The following ATF6B variants were observed in gnomAD, a reference collection of about 807,000 sequenced individuals.
The protein encoded by ATF6B is cyclic AMP-dependent transcription factor ATF-6 beta.
A neutral mutation model predicts 83.5 loss-of-function variants in ATF6B; 50 were observed. The ratio of observed to expected loss-of-function variants is 0.60; its 90% CI spans 0.48 to 0.76. The LOEUF is 0.76. Ranked by LOEUF, ATF6B falls within the 30% of genes least tolerant of loss-of-function variation. The pLI, the probability that ATF6B is intolerant of heterozygous loss-of-function variation, is 0.00. For synonymous variants in ATF6B, 344 were observed against 362.8 expected (o/e 0.95, Z 0.59); for missense variants, 790 against 893.8 (o/e 0.88, Z 1.48).
rs774706155 is a variant in ATF6B, at chr6:32,120,858, C to T, written c.745G>A (p.Val249Ile). 1 of 1,568,366 alleles carries T rather than the reference C, an allele frequency of 6.4e-7. No homozygotes were observed. Among genetic ancestry groups the T allele is most frequent in the Non-Finnish European group, 8.6e-7 (1 of 1,158,162 alleles). Reference protein sequence around the residue: ...TRKPPLQPKPVVLTTVPMPSR... With the variant: ...TRKPPLQPKPIVLTTVPMPSR... ...GGCATTGGGACAGTGGTTAGCACTA[C>T]AGGTTTGGGCTGCAGTGGCGGCTTC... Residue 249 changes from valine (V) to isoleucine (I), a missense_variant, in exon 8 of 18, where the codon GTA becomes ATA. Transcript: ENST00000375203.
Position 32,119,729 on chromosome 6 carries a change from A to T in ATF6B, c.966+95T>A. 1 of 1,526,410 alleles carries T rather than the reference A, an allele frequency of 6.6e-7. No homozygotes were observed. The highest frequency in any genetic ancestry group is 2.0e-5 in the Admixed American group (1 of 51,278). 94.6% of individuals were successfully genotyped at this position (1,526,410 alleles called of 1,614,324 possible). ...GTTTCCTCACTTTTTTCTCCTAGGT[A>T]TCGACTCCCTCCTCATCCCACAGTT... On this transcript the variant is annotated intron_variant, in intron 9 of 17. Coordinates refer to ENST00000375203, the MANE Select transcript of ATF6B (RefSeq NM_004381.5). The surrounding 1 kb of genome is among the most constrained non-coding windows in gnomAD (Gnocchi z 4.9).
At chr6:32,120,952 C>T (rs768856299) in intron 7 of ATF6B, 37 bp downstream of exon 7, 1 of 1,519,040 alleles carries the variant, frequency 6.6e-7, no homozygotes, top group Non-Finnish European at 8.8e-7. Flanking sequence ...CCAAAGGCCT[C>T]TCACTAGGGA....
At chr6:32,122,629 A>G (rs923195568) in intron 5 of ATF6B, among the ~76,000 whole-genome samples, 3 of 146,038 alleles carry the variant, frequency 2.1e-5, no homozygotes, top group African/African-American at 7.6e-5. Context: ...CAGGTGGATC[A>G]CGAGGTCAGG....
Position 32,120,845 on chromosome 6 carries a change from G to A in ATF6B, c.758C>T (p.Thr253Ile). 6.3e-7 allele frequency: 1 copy of A among 1,599,726 alleles called. No homozygotes were observed. The highest frequency in any genetic ancestry group is 8.5e-7 in the Non-Finnish European group (1 of 1,172,940). Residue 253 changes from threonine (T) to isoleucine (I), a missense_variant, in exon 8 of 18, where the codon ACT becomes ATT. By Grantham distance (89) the Thr-to-Ile change is moderately conservative (BLOSUM62 -1). Coordinates refer to ENST00000375203, the MANE Select transcript of ATF6B (RefSeq NM_004381.5). The stretch of plus-strand genomic sequence containing the variant: ...CACAGCTCTGGATGGCATTGGGACA[G>A]TGGTTAGCACTACAGGTTTGGGCTG... ...PLQPKPVVLTTVPMPSRAVPP... is the reference protein window; with the variant it reads ...PLQPKPVVLTIVPMPSRAVPP...
chr6:32,126,879 AAAAC>A (rs752545451), intron 4 of ATF6B, among the ~76,000 whole-genome samples: 8 of 152,090 alleles, frequency 5.3e-5, no homozygotes, highest in East Asian at 1.9e-4. Context: ...CAAAAAACAA[AAAAC>A]AAACAAACAA....
chr6:32,117,303 G>A lies in ATF6B; in HGVS notation c.1614+20C>T. The A allele has an allele frequency of 6.2e-7, 1 of 1,610,924 alleles. No individual in the cohort carries two copies. Among genetic ancestry groups the A allele is most frequent in the East Asian group, 2.2e-5 (1 of 44,830 alleles). On this transcript the variant is annotated intron_variant, in intron 14 of 17. Transcript: ENST00000375203. This position sits in a 1 kb window ranked among gnomAD's most constrained non-coding sequence, Gnocchi z 5.0. ...CCCTTGTCTTCAAGTGGCCTTCCTT[G>A]AACCAGCCACCCGCCCTACCTGTCT...
Position 32,115,667 on chromosome 6 carries a change from A to C in ATF6B, c.*72T>G. On this transcript the variant is annotated 3_prime_UTR_variant, in exon 18 of 18. Transcript: ENST00000375203. Reference sequence around the variant, plus strand: ...ATTGCCCCAAGCCTGGGGATCAGGGAAATTTGAAACAGTCCCACCTGGCCA... The same window carrying C: ...ATTGCCCCAAGCCTGGGGATCAGGGCAATTTGAAACAGTCCCACCTGGCCA... The C allele has an allele frequency of 7.4e-7, 1 of 1,345,880 alleles. No homozygotes were observed. Among genetic ancestry groups the C allele is most frequent in the Non-Finnish European group, 1.0e-6 (1 of 979,716 alleles). The allele number at this position is 1,345,880 out of a possible 1,614,324, so 83.4% of individuals were successfully genotyped here.
chr6:32,122,360 G>A (rs979208130), intron 5 of ATF6B, among the ~76,000 whole-genome samples: 5 of 152,126 alleles, frequency 3.3e-5, no homozygotes, highest in African/African-American at 9.7e-5. Flanking sequence ...GCCCCATGTC[G>A]GTGAAATAAA....
intron 5 of ATF6B, among the ~76,000 whole-genome samples, chr6:32,123,217 A>G (rs2127344337): frequency 7.1e-6 from 1 of 140,758 alleles, no homozygotes; most frequent in Non-Finnish European, 1.5e-5. Context: ...GACAGGGCAA[A>G]ACTCTGTCTC....
At position 32,125,088 on chromosome 6, in the gene ATF6B, A is replaced by G. The variant is rs1317133972; in HGVS notation, c.478+1029T>C. On this transcript the variant is annotated intron_variant, in intron 5 of 17. Coordinates refer to ENST00000375203, the MANE Select transcript of ATF6B (RefSeq NM_004381.5). The surrounding 1 kb of genome is among the most constrained non-coding windows in gnomAD (Gnocchi z 4.1). ...CGTGATCCGCCCACCTCGGCCTCCC[A>G]AAGTGCTGGGATTACAAGCATGAGC... Among the ~76,000 whole-genome samples the G allele has an allele frequency of 2.6e-5, 4 of 152,186 alleles. No individual in the cohort carries two copies. The highest frequency in any genetic ancestry group is 7.2e-5 in the African/African-American group (3 of 41,534).
chr6:32,127,388 A>C, intron 3 of ATF6B, 54 bp downstream of exon 3: 3 of 1,560,668 alleles, frequency 1.9e-6, no homozygotes, highest in Admixed American at 3.6e-5. Context: ...TCTGGGAAAC[A>C]GTGGGAAGAT....
In ATF6B at chr6:32,121,073, A is replaced by G. The variant is rs140584533; in HGVS notation, c.616T>C (p.Ser206Pro). The G allele has an allele frequency of 1.2e-3, 1,836 of 1,565,568 alleles. 5 individuals are homozygous for G. Among genetic ancestry groups the G allele is most frequent in the Middle Eastern group, 0.012 (67 of 5,750 alleles). The change falls in exon 7 of 18, where the codon TCA (serine) becomes CCA (proline). Residue 206 changes from serine to proline, a missense_variant. This residue lies in a region of ATF6B where 7 missense variants were observed against 18.1 expected (regional missense o/e 0.39). Transcript: ENST00000375203. ...GGGACATCCCACAGGAGGCATCCTG[A>G]AGGGGACAGGGACTCTGTCTTCACT... ...LEVKTESLSP[S>P]GCLLWDVPAP...
At position 32,128,216 on chromosome 6, in the gene ATF6B, C is replaced by T. The variant is rs1328761581; in HGVS notation, c.-9G>A. The stretch of plus-strand genomic sequence containing the variant: ...AGCATCAGCTCCGCCATCTTTCCCC[C>T]CCACCCCCCAACCAGGAGACGGTTC... On this transcript the variant is annotated 5_prime_UTR_variant, in exon 1 of 18. Coordinates refer to ENST00000375203, the MANE Select transcript of ATF6B (RefSeq NM_004381.5). 1 of 1,605,764 alleles carries T rather than the reference C, an allele frequency of 6.2e-7. No individual in the cohort carries two copies. The highest frequency in any genetic ancestry group is 1.1e-5 in the South Asian group (1 of 90,818).
chr6:32,120,012 C>A, intron 8 of ATF6B, 55 bp from the exon 9 acceptor site: 1 of 1,561,510 alleles, frequency 6.4e-7, no homozygotes, highest in Non-Finnish European at 8.7e-7. Context: ...GTCCTTGTGT[C>A]CACACCCACA....
chr6:32,119,889 G>A lies in ATF6B; in HGVS notation c.901C>T (p.Arg301Trp), dbSNP rs779145932. The part of the protein sequence containing the change: ...QPEGPAPSLP[R>W]PERKSIVPAP... ...GGAACGATGCTCTTCCTCTCAGGCCGTGGTAGAGAGGGAGCCGGCCCTTCA... is the reference window on the plus strand; with the variant it reads ...GGAACGATGCTCTTCCTCTCAGGCCATGGTAGAGAGGGAGCCGGCCCTTCA... The change falls in exon 9 of 18, where the codon CGG becomes TGG. Residue 301 changes from arginine to tryptophan, a missense_variant. Coordinates refer to ENST00000375203, the MANE Select transcript of ATF6B (RefSeq NM_004381.5). This position sits in a 1 kb window ranked among gnomAD's most constrained non-coding sequence, Gnocchi z 4.9. 55 of 1,613,994 alleles carry A rather than the reference G, an allele frequency of 3.4e-5. No homozygotes were observed. Among genetic ancestry groups the A allele is most frequent in the Middle Eastern group, 1.6e-4 (1 of 6,084 alleles).
rs199968150 is a variant in ATF6B at position 32,115,711 on chromosome 6, C to G, written c.*28G>C. The stretch of plus-strand genomic sequence containing the variant: ...CTGGCCACCTGGTACCCCCTCCCCC[C>G]GTTCTAAGTCAGTGTGAATGGCAGA... On this transcript the variant is annotated 3_prime_UTR_variant, in exon 18 of 18. Transcript: ENST00000375203. 2.7e-5 allele frequency: 42 copies of G among 1,531,170 alleles called. No homozygotes were observed. Among genetic ancestry groups the G allele is most frequent in the Admixed American group, 3.8e-5 (2 of 51,970 alleles). 94.8% of individuals were successfully genotyped at this position (1,531,170 alleles called of 1,614,324 possible).
chr6:32,127,716 G>C lies in ATF6B; in HGVS notation c.126C>G (p.Ala42=). ...AACGGAAGAGCTGCGTCTGCTCCTC[G>C]GCCACTTCATCTAGGCCAGAATACA... ...STLYSGLDEV[A]EEQTQLFRCP... The change falls in exon 2 of 18, where the codon GCC becomes GCG. Residue 42 remains alanine, a synonymous_variant. Transcript: ENST00000375203. The C allele has an allele frequency of 6.2e-7, 1 of 1,614,080 alleles. No individual in the cohort carries two copies. Among genetic ancestry groups the C allele is most frequent in the Non-Finnish European group, 8.5e-7 (1 of 1,180,008 alleles).
rs145293514 is a variant in ATF6B, at chr6:32,121,270, G to A, written c.557C>T (p.Ser186Phe). 8.1e-5 allele frequency: 131 copies of A among 1,613,876 alleles called. No individual in the cohort carries two copies. The highest frequency in any genetic ancestry group is 1.0e-4 in the Non-Finnish European group (119 of 1,179,986). The change falls in exon 6 of 18, where the codon TCC (serine) becomes TTC (phenylalanine). Residue 186 changes from serine to phenylalanine, a missense_variant. By Grantham distance (155) the Ser-to-Phe change is radical. This residue lies in a region of ATF6B where 253 missense variants were observed against 243.1 expected (regional missense o/e 1.04). Transcript: ENST00000375203. ...AAGGAAGGTGGTGCTCACCTGGCTG[G>A]AGGAGTCGGCTGAGAGCAGGGAGGC... is the stretch of plus-strand genomic sequence containing the variant. The part of the protein sequence containing the change: ...SEASLLSADS[S>F]SQAFIGEEVL...
rs2127334901 is a variant in ATF6B at position 32,118,303 on chromosome 6, G to A, written c.1245-265C>T. 6.6e-6 allele frequency among the ~76,000 whole-genome samples: 1 copy of A among 152,220 alleles called. No homozygotes were observed. Among genetic ancestry groups the A allele is most frequent in the Admixed American group, 6.5e-5 (1 of 15,292 alleles). On this transcript the variant is annotated intron_variant, in intron 11 of 17. Coordinates refer to ENST00000375203, the MANE Select transcript of ATF6B (RefSeq NM_004381.5). This position sits in a 1 kb window ranked among gnomAD's most constrained non-coding sequence, Gnocchi z 5.2. ...TCTACTCTCCACTGGAAAAATAATG[G>A]AGCAGGAGGCCGGGCGAGGTGGCTC...
Sources: gnomAD v4.1 joint callset for allele counts (sites outside exome capture counted in the v4.1 genomes callset) on GRCh38, gnomAD v4.1.1 for gene constraint, gnomAD v4.1.1 regional missense constraint, Gnocchi (gnomAD v3.1) non-coding constraint, MANE v1.5 for transcripts, NCBI Gene and HGNC (gene_info 2026-07-23, HGNC 2026-07-21) for gene names.